Variants in PCM1 observed in about 807,000 individuals in gnomAD.
PCM1 encodes pericentriolar material 1 protein.
A neutral mutation model predicts 241.9 loss-of-function variants in PCM1; 157 were observed. That is an observed-to-expected ratio of 0.65 (90% confidence interval 0.57 to 0.74). PCM1 has a LOEUF of 0.74. Among genes scored for constraint, PCM1 ranks in the 30% least tolerant of loss-of-function variants. PCM1 has a pLI of 0.00. For synonymous variants in PCM1, 1,085 were observed against 784.9 expected, an observed-to-expected ratio of 1.38 and a Z score of -6.39; for missense variants, 3,478 against 2,360.1, an observed-to-expected ratio of 1.47 and a Z score of -9.81.
At chr8:17,966,284 T>G (rs199778154) in intron 19 of PCM1, 44 bp from the exon 20 acceptor site, 1 of 1,608,796 alleles carries the variant, frequency 6.2e-7, no homozygotes, top group Non-Finnish European at 8.5e-7. Flanking sequence ...TACAAATTTT[T>G]CTCAAGTCAT....
intron 6 of PCM1, 22 bp downstream of exon 6, chr8:17,939,883 TAAC>T: frequency 7.3e-7 from 1 of 1,361,164 alleles, no homozygotes; most frequent in Non-Finnish European, 1.0e-6. Flanking sequence ...ACTTTTAAAA[TAAC>T]ATATTATTTT....
At chr8:17,946,869 G>C (rs567460754) in intron 6 of PCM1, among the ~76,000 whole-genome samples, 8 of 149,694 alleles carry the variant, frequency 5.3e-5, no homozygotes, top group African/African-American at 1.7e-4. Flanking sequence ...GTGTGTGTGT[G>C]TGTCCATGTG....
At chr8:17,924,330 C>G (rs2055977871) in intron 1 of PCM1, among the ~76,000 whole-genome samples, 1 of 152,150 alleles carries the variant, frequency 6.6e-6, no homozygotes, top group Non-Finnish European at 1.5e-5. Flanking sequence ...TTTAAATGAG[C>G]AAACATTTTT....
chr8:17,949,709 C>T (rs2065277421), intron 7 of PCM1, among the ~76,000 whole-genome samples: 2 of 152,086 alleles, frequency 1.3e-5, no homozygotes, highest in Non-Finnish European at 1.5e-5. Context: ...GGTGCCCAGG[C>T]TGGTCTTGAA....
At chr8:17,961,558 G>A (rs1035170995) in intron 15 of PCM1, among the ~76,000 whole-genome samples, 4 of 152,148 alleles carry the variant, frequency 2.6e-5, no homozygotes, top group South Asian at 2.1e-4. Context: ...TGATCCGCCC[G>A]CCTCGGCCTC....
At position 17,966,288 on chromosome 8, in the gene PCM1, A is replaced by G. The variant is rs371028371; in HGVS notation, c.3076-40A>G. ...TTCTGAAGCAATACAAATTTTTCTCAAGTCATCAGTAACTATTAACAAACA... is the reference window on the plus strand; with the variant it reads ...TTCTGAAGCAATACAAATTTTTCTCGAGTCATCAGTAACTATTAACAAACA... On this transcript the variant is annotated intron_variant, in intron 19 of 38. Coordinates refer to ENST00000325083, the MANE Select transcript of PCM1 (RefSeq NM_006197.4). The G allele has an allele frequency of 5.3e-5, 85 of 1,609,366 alleles. 1 individual carries two copies. The Middle Eastern group carries it at 1.8e-3, about 34-fold the overall frequency.
intron 24 of PCM1, among the ~76,000 whole-genome samples, chr8:17,983,691 T>C (rs1269600768): frequency 6.6e-6 from 1 of 152,152 alleles, no homozygotes; most frequent in Non-Finnish European, 1.5e-5. Context: ...AAAACAATGA[T>C]TACATGCAAA....
rs1236350499 is a variant in PCM1 at position 17,963,172 on chromosome 8, T to C, written c.2535T>C (p.Ala845=). The C allele has an allele frequency of 2.5e-6, 4 of 1,613,710 alleles. No homozygotes were observed. Among genetic ancestry groups the C allele is most frequent in the South Asian group, 1.1e-5 (1 of 91,050 alleles). Residue 845 remains alanine, a synonymous_variant, in exon 17 of 39, where the codon GCT becomes GCC. Transcript: ENST00000325083. ...GACAGAGAAGAAAGCAGCTTGAAGC[T>C]CTGATGGCTGAACATCAGAGGAGGC... is the stretch of plus-strand genomic sequence containing the variant. The part of the protein sequence containing the change: ...ELRQRRKQLE[A]LMAEHQRRQG...
At chr8:17,945,670 A>C (rs1455344534) in intron 6 of PCM1, among the ~76,000 whole-genome samples, 1 of 152,150 alleles carries the variant, frequency 6.6e-6, no homozygotes, top group Non-Finnish European at 1.5e-5. Context: ...GGGGAGGTAA[A>C]GAAATTTTTA....
chr8:17,971,759 A>G (rs2076929792), intron 22 of PCM1, among the ~76,000 whole-genome samples: 1 of 152,034 alleles, frequency 6.6e-6, no homozygotes, highest in Admixed American at 6.6e-5. Flanking sequence ...TGTTTTTTCT[A>G]GAGGCAGGGT....
intron 9 of PCM1, among the ~76,000 whole-genome samples, chr8:17,953,840 T>TA (rs5889756): frequency 0.2 from 29,776 of 152,070 alleles, 3,224 homozygotes; most frequent in East Asian, 0.38. Context: ...CAAATAGTAA[T>TA]AGAGGCTCAA....
chr8:17,991,396 A>C (rs2084581265), intron 27 of PCM1, 146 bp from the exon 28 acceptor site: 1 of 589,616 alleles, frequency 1.7e-6, no homozygotes, highest in South Asian at 2.3e-5. Context: ...AATGTATATG[A>C]AGTGCTCAAG....
At chr8:17,934,105 T>G (rs192939343) in intron 2 of PCM1, among the ~76,000 whole-genome samples, 1 of 152,260 alleles carries the variant, frequency 6.6e-6, no homozygotes, top group Admixed American at 6.5e-5. Context: ...AATATGTTAT[T>G]CTAATAGATA....
chr8:17,965,927 CAG>C (rs1375461939), intron 18 of PCM1, 70 bp from the exon 19 acceptor site: 1 of 1,003,700 alleles, frequency 1.0e-6, no homozygotes, highest in East Asian at 2.5e-5. Flanking sequence ...GCCTGAGTAT[CAG>C]AGTTTATTGC....
At chr8:17,968,787 A>G (rs1464925825) in intron 21 of PCM1, among the ~76,000 whole-genome samples, 1 of 143,572 alleles carries the variant, frequency 7.0e-6, no homozygotes, top group Non-Finnish European at 1.5e-5. Flanking sequence ...TACACACCAC[A>G]GTGTTTTTTC....
At position 18,029,921 on chromosome 8, in the gene PCM1, T is replaced by C. The variant is rs2094424762; in HGVS notation, c.*2259T>C. On this transcript the variant is annotated 3_prime_UTR_variant, in exon 39 of 39. Coordinates refer to ENST00000325083, the MANE Select transcript of PCM1 (RefSeq NM_006197.4). ...TGACTTTGGGTAAATGCTTTTTCAC[T>C]GTTAATAAATATATATCCTGTATAC... 5.4e-6 allele frequency: 1 copy of C among 185,558 alleles called. No homozygotes were observed. The highest frequency in any genetic ancestry group is 1.1e-5 in the Non-Finnish European group (1 of 87,586). The allele number at this position is 185,558 out of a possible 1,614,324, so 11.5% of individuals were successfully genotyped here.
rs528951196 is a variant in PCM1, at chr8:18,026,032, C to T, written c.6049+374C>T. Among the ~76,000 whole-genome samples the T allele has an allele frequency of 5.3e-4, 80 of 151,160 alleles. 2 individuals carry two copies. In the South Asian group the frequency reaches 0.011, roughly 21 times the overall value. ...ACAAAAAATCAGCCAAGCGCGGTGG[C>T]GGGCGCCTGTAGTGCCAGCTACTCG... On this transcript the variant is annotated intron_variant, in intron 38 of 38. Coordinates refer to ENST00000325083, the MANE Select transcript of PCM1 (RefSeq NM_006197.4).
At chr8:17,996,556 G>A (rs768471914) in intron 29 of PCM1, among the ~76,000 whole-genome samples, 6 of 151,578 alleles carry the variant, frequency 4.0e-5, no homozygotes, top group South Asian at 2.1e-4. Flanking sequence ...TTTTTGTTTC[G>A]TTGCTCTTTT....
chr8:18,024,272 G>A (rs527661595), intron 36 of PCM1, among the ~76,000 whole-genome samples: 12 of 152,086 alleles, frequency 7.9e-5, no homozygotes, highest in Non-Finnish European at 1.3e-4. Context: ...AGGCTGAGGC[G>A]GGAGGATCAC....
Sources: gnomAD v4.1 joint callset for allele counts (sites outside exome capture counted in the v4.1 genomes callset) on GRCh38, gnomAD v4.1.1 for gene constraint, MANE v1.5 for transcripts, NCBI Gene and HGNC (gene_info 2026-07-23, HGNC 2026-07-21) for gene names.